The following LRRC46 variants were observed in gnomAD, a reference collection of about 807,000 sequenced individuals.
LRRC46 encodes the protein leucine-rich repeat-containing protein 46.
In LRRC46, 20 loss-of-function variants were observed where a neutral mutation model predicts 28.0. The ratio of observed to expected loss-of-function variants is 0.71; its 90% CI spans 0.50 to 1.04. LRRC46 has a LOEUF of 1.04. LRRC46 is among the 50% of genes least tolerant of loss of function. The probability of loss-of-function intolerance (pLI) is 0.00; values close to 1 mark genes in which losing one functional copy is unlikely to be tolerated. For missense variants in LRRC46, 315 were observed against 390.1 expected (o/e 0.81, Z 1.62); for synonymous variants, 156 against 158.8 (o/e 0.98, Z 0.13).
chr17:47,834,354 T>A, intron 2 of LRRC46, 71 bp from the exon 3 acceptor site: 1 of 1,115,066 alleles, frequency 9.0e-7, no homozygotes, highest in African/African-American at 1.6e-5. Flanking sequence ...CCCTCCTCCG[T>A]CTCCCATCCT....
Position 47,836,291 on chromosome 17 carries a change from AG to A in LRRC46, c.453-39del, listed in dbSNP as rs760473322. On this transcript the variant is annotated intron_variant, in intron 6 of 7. Coordinates refer to ENST00000269025, the MANE Select transcript of LRRC46 (RefSeq NM_033413.4). The surrounding 1 kb of genome is among the most constrained non-coding windows in gnomAD (Gnocchi z 5.8). ...TGCGTGTCTTTGCATCCTCCACGCC[AG>A]GGTGCCCTCCTGGGTAACCTCTGCT... 3 of 1,610,578 alleles carry A rather than the reference AG, an allele frequency of 1.9e-6. No individual in the cohort carries two copies. In the Admixed American group the frequency reaches 5.0e-5, roughly 27 times the overall value.
rs750176996 is a variant in LRRC46, at chr17:47,836,737, C to T, written c.596-13C>T. 1.6e-5 allele frequency: 25 copies of T among 1,612,450 alleles called. No individual in the cohort carries two copies. Among genetic ancestry groups the T allele is most frequent in the Admixed American group, 1.3e-4 (8 of 59,882 alleles). On this transcript the variant is annotated splice_polypyrimidine_tract_variant and intron_variant, in intron 7 of 7. Transcript: ENST00000269025. This position sits in a 1 kb window ranked among gnomAD's most constrained non-coding sequence, Gnocchi z 5.8. The stretch of plus-strand genomic sequence containing the variant: ...CCACCCACCCTGTACCCTCCACCCC[C>T]GGCCCCTCCCAGGCTTCCTCAAGGA...
In LRRC46 at chr17:47,837,127, G is replaced by C. The variant is rs781325829; in HGVS notation, c.*7G>C. 29 of 1,600,768 alleles carry C rather than the reference G, an allele frequency of 1.8e-5. No homozygotes were observed. In the Middle Eastern group the frequency reaches 5.0e-4, roughly 28 times the overall value. Reference sequence around the variant, plus strand: ...CAAGAGAAGCAAGAAATGATTCTCTGTCAACCTTTCTCTACTAGTGGAGAG... The same window carrying C: ...CAAGAGAAGCAAGAAATGATTCTCTCTCAACCTTTCTCTACTAGTGGAGAG... On this transcript the variant is annotated 3_prime_UTR_variant, in exon 8 of 8. Coordinates refer to ENST00000269025, the MANE Select transcript of LRRC46 (RefSeq NM_033413.4).
chr17:47,834,297 C>T (rs2033668620), intron 2 of LRRC46, 128 bp from the exon 3 acceptor site: 1 of 814,336 alleles, frequency 1.2e-6, no homozygotes, highest in African/African-American at 1.7e-5. Context: ...ATGTTTCTCA[C>T]ATCTGATTAA....
At chr17:47,835,880 C>A in intron 5 of LRRC46, 105 bp downstream of exon 5, 1 of 1,315,774 alleles carries the variant, frequency 7.6e-7, no homozygotes, top group South Asian at 1.2e-5. Context: ...CCCTGCAGGT[C>A]CACATTTCAT....
chr17:47,832,233 C>G (rs367677303), intron 2 of LRRC46, 28 bp downstream of exon 2: 2 of 1,508,684 alleles, frequency 1.3e-6, no homozygotes, highest in African/African-American at 2.8e-5. Context: ...AAAAGGGGTG[C>G]TAGAAGGCTG....
intron 4 of LRRC46, 71 bp downstream of exon 4, chr17:47,835,470 T>A: frequency 1.3e-6 from 2 of 1,574,166 alleles, no homozygotes; most frequent in Non-Finnish European, 1.7e-6. Flanking sequence ...AAGAACTGGT[T>A]CAGATTTCTC....
chr17:47,835,729 CCA>C lies in LRRC46; in HGVS notation c.337_338del (p.Gln113ValfsTer6), dbSNP rs1184008353. On this transcript the variant is annotated frameshift_variant, in exon 5 of 8. Transcript: ENST00000269025. LOFTEE classifies it high-confidence loss of function. ...AAAACCTCCTCGACCTCCCATGCCT[CCA>C]GTTTCTGGACCTTTCTGAGAACCTG... Reference protein sequence around the residue: ...VENLLDLPCLQFLDLSENLIE... With the variant: ...VENLLDLPCLXFLDLSENLIE... 8 of 1,614,100 alleles carry C rather than the reference CCA, an allele frequency of 5.0e-6. No individual in the cohort carries two copies. The highest frequency in any genetic ancestry group is 3.3e-5 in the Admixed American group (2 of 60,004).
At chr17:47,832,997 A>AG in intron 2 of LRRC46, among the ~76,000 whole-genome samples, 1 of 152,126 alleles carries the variant, frequency 6.6e-6, no homozygotes, top group Non-Finnish European at 1.5e-5. Context: ...TGTGGATGGG[A>AG]GGGGGTGCAG....
chr17:47,834,158 A>G, intron 2 of LRRC46: 1 of 1,100,298 alleles, frequency 9.1e-7, no homozygotes, highest in Non-Finnish European at 1.1e-6. Context: ...AGAAACCATA[A>G]GCTGCCATCC....
Position 47,836,148 on chromosome 17 carries a change from T to C in LRRC46, c.452+46T>C. On this transcript the variant is annotated intron_variant, in intron 6 of 7. Coordinates refer to ENST00000269025, the MANE Select transcript of LRRC46 (RefSeq NM_033413.4). This position sits in a 1 kb window ranked among gnomAD's most constrained non-coding sequence, Gnocchi z 5.8. ...AGAAAGGTCATGGCTGAGCTCTACC[T>C]GCTAACTCAGCCCAGACCCCTCTCA... The C allele has an allele frequency of 1.2e-6, 2 of 1,602,380 alleles. No individual in the cohort carries two copies. The highest frequency in any genetic ancestry group is 2.2e-5 in the South Asian group (2 of 90,834).
At position 47,834,487 on chromosome 17, in the gene LRRC46, G is replaced by A. The variant is rs2033671309; in HGVS notation, c.179G>A (p.Arg60Lys). The part of the protein sequence containing the change: ...RLDREGITTI[R>K]NLEGLQNLHS... ...GACCGGGAGGGGATTACTACTATCA[G>A]GAACTTAGAAGGCCTCCAGAATCTT... The change falls in exon 3 of 8, where the codon AGG (arginine) becomes AAG (lysine). Residue 60 changes from arginine (R) to lysine (K), a missense_variant. Transcript: ENST00000269025. The A allele has an allele frequency of 6.2e-7, 1 of 1,613,608 alleles. No homozygotes were observed. The highest frequency in any genetic ancestry group is 1.3e-5 in the African/African-American group (1 of 74,868).
In LRRC46 at chr17:47,832,177, C is replaced by T. The variant is rs144810429; in HGVS notation, c.88C>T (p.Pro30Ser). 1 of 1,599,684 alleles carries T rather than the reference C, an allele frequency of 6.3e-7. No individual in the cohort carries two copies. Among genetic ancestry groups the T allele is most frequent in the African/African-American group, 1.3e-5 (1 of 74,512 alleles). Residue 30 changes from proline (P) to serine (S), a missense_variant, in exon 2 of 8, where the codon CCT becomes TCT. Physicochemically the swap from Pro to Ser is moderately conservative, Grantham distance 74 (BLOSUM62 -1). Coordinates refer to ENST00000269025, the MANE Select transcript of LRRC46 (RefSeq NM_033413.4). The stretch of plus-strand genomic sequence containing the variant: ...TATCACTAAGCGGAACTTGACTTTC[C>T]CTGAAGATGGGGAACTGTCAGAGAA... The part of the protein sequence containing the change: ...ALITKRNLTF[P>S]EDGELSEKMF...
Position 47,831,823 on chromosome 17 carries a change from G to A in LRRC46, c.-167G>A. ...TTCACATCAATTTACTGTTTTCTTC[G>A]ACCTCACCCCAGCAATTTTCTCTGA... On this transcript the variant is annotated 5_prime_UTR_variant, in exon 1 of 8. Transcript: ENST00000269025. 1.2e-6 allele frequency: 1 copy of A among 846,364 alleles called. No homozygotes were observed. The allele number at this position is 846,364 out of a possible 1,614,324, so 52.4% of individuals were successfully genotyped here.
intron 2 of LRRC46, among the ~76,000 whole-genome samples, chr17:47,832,637 T>C (rs1227328040): frequency 6.6e-6 from 1 of 152,200 alleles, no homozygotes; most frequent in Non-Finnish European, 1.5e-5. Flanking sequence ...GCTATGATCA[T>C]GCCATTGCAT....
chr17:47,833,234 T>G (rs2143606923), intron 2 of LRRC46, among the ~76,000 whole-genome samples: 1 of 152,264 alleles, frequency 6.6e-6, no homozygotes, highest in South Asian at 2.1e-4. Flanking sequence ...CATTCCCTGA[T>G]TCCTCCTACT....
Position 47,836,149 on chromosome 17 carries a change from G to C in LRRC46, c.452+47G>C, listed in dbSNP as rs1349077472. ...GAAAGGTCATGGCTGAGCTCTACCTGCTAACTCAGCCCAGACCCCTCTCAG... is the reference window on the plus strand; with the variant it reads ...GAAAGGTCATGGCTGAGCTCTACCTCCTAACTCAGCCCAGACCCCTCTCAG... On this transcript the variant is annotated intron_variant, in intron 6 of 7. Transcript: ENST00000269025. This position sits in a 1 kb window ranked among gnomAD's most constrained non-coding sequence, Gnocchi z 5.8. The C allele has an allele frequency of 3.1e-6, 5 of 1,601,366 alleles. No homozygotes were observed. In the South Asian group the frequency reaches 5.5e-5, roughly 18 times the overall value.
chr17:47,833,975 A>G (rs1045473910), intron 2 of LRRC46: 2 of 986,130 alleles, frequency 2.0e-6, no homozygotes, highest in African/African-American at 1.7e-5. Flanking sequence ...GTAGGCACTC[A>G]GCAATGTTGT....
chr17:47,833,773 T>A, intron 2 of LRRC46: 5 of 147,344 alleles, frequency 3.4e-5, no homozygotes, highest in Non-Finnish European at 6.9e-5. Context: ...TTTTATGACA[T>A]AGGGTCTTGC....
Sources: allele counts gnomAD v4.1 joint callset (sites outside exome capture counted in the v4.1 genomes callset), GRCh38; gene constraint gnomAD v4.1.1; non-coding constraint Gnocchi (gnomAD v3.1); transcripts MANE v1.5; gene names NCBI Gene and HGNC (gene_info 2026-07-23, HGNC 2026-07-21).